Variants in DMXL2 observed in about 807,000 individuals in gnomAD.
DMXL2 encodes the protein dmX-like protein 2.
Under a neutral mutation model 331.1 loss-of-function variants are expected in DMXL2, and 103 were observed. The ratio of observed to expected loss-of-function variants is 0.31; its 90% CI spans 0.27 to 0.37. The LOEUF (loss-of-function observed/expected upper bound fraction) is 0.37, where lower values mean the gene tolerates loss of function less well. DMXL2 is among the 10% of genes least tolerant of loss of function. The pLI, the probability that DMXL2 is intolerant of heterozygous loss-of-function variation, is 1.00. For synonymous variants in DMXL2, 1,281 were observed against 1,252.1 expected, an observed-to-expected ratio of 1.02 and a Z score of -0.49; for missense variants, 3,171 against 3,642.9, an observed-to-expected ratio of 0.87 and a Z score of 3.33.
intron 30 of DMXL2, 152 bp downstream of exon 30, chr15:51,466,032 T>C (rs2040536762): frequency 3.1e-6 from 2 of 653,560 alleles, no homozygotes; most frequent in Non-Finnish European, 4.8e-6. Context: ...ATGTAGACAT[T>C]GACCTCAAAG....
chr15:51,503,583 G>A (rs1240424644), intron 16 of DMXL2, among the ~76,000 whole-genome samples: 2 of 152,184 alleles, frequency 1.3e-5, no homozygotes, highest in East Asian at 3.9e-4. Context: ...AGGGTTGTGG[G>A]GTGGGTGAAG....
chr15:51,454,828 T>C (rs556328504), intron 40 of DMXL2, among the ~76,000 whole-genome samples: 1 of 152,282 alleles, frequency 6.6e-6, no homozygotes, highest in East Asian at 1.9e-4. Flanking sequence ...TTTTATCATG[T>C]GTATATTAAG....
intron 2 of DMXL2, among the ~76,000 whole-genome samples, chr15:51,573,582 A>C (rs2050813532): frequency 6.6e-6 from 1 of 152,184 alleles, no homozygotes; most frequent in South Asian, 2.1e-4. Context: ...TATTCTCTGC[A>C]AACTAACACA....
chr15:51,500,004 C>T lies in DMXL2; in HGVS notation c.3220G>A (p.Val1074Ile). ...AGGCGACCTGTGTATGAACAGCTAA[C>T]AGCAACTGGTCTTCCCACAATGCTC... ...TVSIVGRPVA[V>I]SCSYTGRLAV... Residue 1074 changes from valine (V) to isoleucine (I), a missense_variant, in exon 18 of 44, where the codon GTT becomes ATT. By Grantham distance (29) the Val-to-Ile change is conservative (BLOSUM62 3). This residue lies in a region of DMXL2 where 1,674 missense variants were observed against 1,780.2 expected (regional missense o/e 0.94). Coordinates refer to ENST00000560891, the MANE Select transcript of DMXL2 (RefSeq NM_001378457.1). The T allele has an allele frequency of 6.2e-7, 1 of 1,614,066 alleles. No individual in the cohort carries two copies. Among genetic ancestry groups the T allele is most frequent in the Non-Finnish European group, 8.5e-7 (1 of 1,179,964 alleles).
intron 6 of DMXL2, among the ~76,000 whole-genome samples, chr15:51,562,215 A>G (rs1010836322): frequency 9.2e-5 from 14 of 152,224 alleles, no homozygotes; most frequent in African/African-American, 3.1e-4. Flanking sequence ...GTATCAAAAT[A>G]TCACATGTAT....
At chr15:51,459,020 T>A in intron 34 of DMXL2, 1 of 516,156 alleles carries the variant, frequency 1.9e-6, no homozygotes, top group Non-Finnish European at 3.5e-6. Flanking sequence ...TCCACTGTGA[T>A]GGTAAGATAC....
chr15:51,525,946 G>A (rs553064836), intron 13 of DMXL2, among the ~76,000 whole-genome samples: 7 of 152,120 alleles, frequency 4.6e-5, no homozygotes, highest in Non-Finnish European at 5.9e-5. Flanking sequence ...AGGGCTTTGA[G>A]AGAACATAGG....
chr15:51,493,458 T>C (rs145287706), intron 19 of DMXL2, among the ~76,000 whole-genome samples: 113 of 152,262 alleles, frequency 7.4e-4, no homozygotes, highest in African/African-American at 2.6e-3. Flanking sequence ...AAAAAAGTTA[T>C]TAGGGAAGAA....
chr15:51,620,322 G>A (rs1252702733), intron 1 of DMXL2, among the ~76,000 whole-genome samples: 2 of 152,112 alleles, frequency 1.3e-5, no homozygotes, highest in Non-Finnish European at 2.9e-5. Context: ...TTTGTCAAAA[G>A]ACCAAAATAA....
chr15:51,510,396 A>C (rs900365763), intron 15 of DMXL2, among the ~76,000 whole-genome samples: 3 of 152,222 alleles, frequency 2.0e-5, no homozygotes, highest in Non-Finnish European at 4.4e-5. Flanking sequence ...AATCACAAGC[A>C]TTCCTATACA....
At position 51,535,674 on chromosome 15, in the gene DMXL2, G is replaced by A. The variant is rs768625128; in HGVS notation, c.2425C>T (p.Pro809Ser). The change falls in exon 13 of 44, where the codon CCA becomes TCA. Residue 809 changes from proline to serine, a missense_variant. Pro to Ser is a moderately conservative substitution (Grantham distance 74, BLOSUM62 -1). Transcript: ENST00000560891. ...TATTAAATACTTACTGAAGATTCTGGGTCTGACAATTCATCTAATAATTTC... is the reference window on the plus strand; with the variant it reads ...TATTAAATACTTACTGAAGATTCTGAGTCTGACAATTCATCTAATAATTTC... ...ARKLLDELSD[P>S]ESSKLIGEVF... 2.5e-6 allele frequency: 4 copies of A among 1,597,720 alleles called. No individual in the cohort carries two copies. The highest frequency in any genetic ancestry group is 3.5e-5 in the Admixed American group (2 of 56,880).
At chr15:51,475,732 G>T (rs1426286736) in intron 27 of DMXL2, among the ~76,000 whole-genome samples, 2 of 152,024 alleles carry the variant, frequency 1.3e-5, no homozygotes, top group Non-Finnish European at 2.9e-5. Context: ...ATTCAAAAAA[G>T]GTCTGTAGAT....
chr15:51,533,620 T>C (rs2048126056), intron 13 of DMXL2, among the ~76,000 whole-genome samples: 1 of 152,230 alleles, frequency 6.6e-6, no homozygotes, highest in African/African-American at 2.4e-5. Flanking sequence ...TGTCAAGGTG[T>C]GCACATTACA....
chr15:51,555,201 T>C (rs765366907), intron 6 of DMXL2, among the ~76,000 whole-genome samples: 19 of 152,102 alleles, frequency 1.2e-4, no homozygotes, highest in Non-Finnish European at 2.2e-4. Flanking sequence ...GGTTTGAACA[T>C]AGATTGTACA....
intron 22 of DMXL2, among the ~76,000 whole-genome samples, chr15:51,486,743 T>C (rs1157284761): frequency 1.3e-5 from 2 of 152,158 alleles, no homozygotes; most frequent in African/African-American, 2.4e-5. Flanking sequence ...AAATAAATTA[T>C]GAAATACAGC....
At position 51,471,394 on chromosome 15, in the gene DMXL2, A is replaced by G. The variant is rs1288684318; in HGVS notation, c.7221T>C (p.Pro2407=). The G allele has an allele frequency of 6.3e-7, 1 of 1,595,680 alleles. No homozygotes were observed. Among genetic ancestry groups the G allele is most frequent in the South Asian group, 1.1e-5 (1 of 88,002 alleles). The change falls in exon 29 of 44, where the codon CCT becomes CCC. Residue 2407 remains proline (P), a synonymous_variant. Coordinates refer to ENST00000560891, the MANE Select transcript of DMXL2 (RefSeq NM_001378457.1). ...RRQSENISAP[P]VLSEDIDKHR... ...GTTTATCTATGTCTTCAGAAAGGAC[A>G]GGAGGTGCTAAATGAAGATAGAAGG...
intron 1 of DMXL2, among the ~76,000 whole-genome samples, chr15:51,594,586 C>G (rs2052647488): frequency 6.6e-6 from 1 of 152,112 alleles, no homozygotes; most frequent in Non-Finnish European, 1.5e-5. Context: ...CATCCTGATA[C>G]CAAAGCCTGG....
rs547616650 is a variant in DMXL2, at chr15:51,575,872, T to C, written c.213+184A>G. ...TATACATACAGCTGTAGAACAATTATCAAATTATCAGTTTAATGGCACTTT... is the reference window on the plus strand; with the variant it reads ...TATACATACAGCTGTAGAACAATTACCAAATTATCAGTTTAATGGCACTTT... On this transcript the variant is annotated intron_variant, in intron 2 of 43. Coordinates refer to ENST00000560891, the MANE Select transcript of DMXL2 (RefSeq NM_001378457.1). Among the ~76,000 whole-genome samples, 3 of 152,258 alleles carry C rather than the reference T, an allele frequency of 2.0e-5. No individual in the cohort carries two copies. The East Asian group carries it at 5.8e-4, about 29-fold the overall frequency.
rs1375997782 is a variant in DMXL2, at chr15:51,458,528, C to G, written c.8176G>C (p.Glu2726Gln). Reference sequence around the variant, plus strand: ...AACCTTTTGGATTCTCTGTCATATTCTTCTCCGATCCATATGTATGACTGA... The same window carrying G: ...AACCTTTTGGATTCTCTGTCATATTGTTCTCCGATCCATATGTATGACTGA... ...ACQSYIWIGE[E>Q]YDRESKSSDD... The change falls in exon 36 of 44, where the codon GAA becomes CAA. Residue 2726 changes from glutamate to glutamine, a missense_variant. This residue lies in a region of DMXL2 where 766 missense variants were observed against 940.5 expected (regional missense o/e 0.81). Coordinates refer to ENST00000560891, the MANE Select transcript of DMXL2 (RefSeq NM_001378457.1). 1.2e-6 allele frequency: 2 copies of G among 1,613,758 alleles called. No individual in the cohort carries two copies. Among genetic ancestry groups the G allele is most frequent in the Non-Finnish European group, 1.7e-6 (2 of 1,179,822 alleles).
Sources: gnomAD v4.1 joint callset for allele counts (sites outside exome capture counted in the v4.1 genomes callset) on GRCh38, gnomAD v4.1.1 for gene constraint, gnomAD v4.1.1 regional missense constraint, MANE v1.5 for transcripts, NCBI Gene and HGNC (gene_info 2026-07-23, HGNC 2026-07-21) for gene names.